GRM7: variants seen among roughly 807,000 people sequenced by gnomAD.
GRM7 encodes glutamate metabotropic receptor 7.
In GRM7, 35 loss-of-function variants were observed where a neutral mutation model predicts 84.5. The observed-to-expected ratio is 0.41, with a 90% CI of 0.32 to 0.55. The LOEUF (loss-of-function observed/expected upper bound fraction) is 0.55, where lower values mean the gene tolerates loss of function less well. Among genes scored for constraint, GRM7 ranks in the 20% least tolerant of loss-of-function variants. The pLI is 0.19. For missense variants in GRM7, 1,003 were observed against 1,194.6 expected (o/e 0.84, Z 2.36); for synonymous variants, 487 against 455.1 (o/e 1.07, Z -0.89).
At chr3:7,605,663 A>G (rs964468822) in intron 8 of GRM7, among the ~76,000 whole-genome samples, 1 of 151,994 alleles carries the variant, frequency 6.6e-6, no homozygotes, top group African/African-American at 2.4e-5. Context: ...ATTGATGTGC[A>G]TCCCCAGTTG....
intron 1 of GRM7, among the ~76,000 whole-genome samples, chr3:6,935,677 AATTATTATTATTATT>A (rs57669228): frequency 1.4e-5 from 2 of 142,452 alleles, no homozygotes; most frequent in African/African-American, 5.3e-5. Flanking sequence ...CTTATTTTTA[AATTATTATTATTATT>A]ATTATTATTA....
At chr3:7,229,760 T>TATATATATA (rs68069165) in intron 2 of GRM7, among the ~76,000 whole-genome samples, 30 of 23,394 alleles carry the variant, frequency 1.3e-3, no homozygotes, top group Middle Eastern at 0.025. Flanking sequence ...TATATATATA[T>TATATATATA]TTTTTTTTTT....
intron 4 of GRM7, among the ~76,000 whole-genome samples, chr3:7,359,337 T>TTC (rs1186449206): frequency 7.4e-6 from 1 of 134,914 alleles, no homozygotes; most frequent in Non-Finnish European, 1.6e-5. Context: ...CCTCCTCTTT[T>TTC]TTTTTTTTTT....
At chr3:7,593,439 A>G (rs559822316) in intron 8 of GRM7, among the ~76,000 whole-genome samples, 2 of 152,330 alleles carry the variant, frequency 1.3e-5, no homozygotes, top group Admixed American at 1.3e-4. Context: ...ATCACATTCT[A>G]TTGAAAAGTG....
Position 7,084,234 on chromosome 3 carries a change from G to A in GRM7, c.520-62218G>A, listed in dbSNP as rs111802495. On this transcript the variant is annotated intron_variant, in intron 1 of 9. Coordinates refer to ENST00000357716, the MANE Select transcript of GRM7 (RefSeq NM_000844.4). ...GAAATAGTAGAGGCAACAGGCAATG[G>A]TGACTTAGTACAGGATGGCATTTCT... 2.4e-3 allele frequency among the ~76,000 whole-genome samples: 372 copies of A among 152,238 alleles called. 2 individuals are homozygous for A. The highest frequency in any genetic ancestry group is 8.6e-3 in the African/African-American group (359 of 41,562).
At chr3:7,562,541 G>C (rs994953333) in intron 7 of GRM7, among the ~76,000 whole-genome samples, 6 of 151,954 alleles carry the variant, frequency 3.9e-5, no homozygotes, top group African/African-American at 1.4e-4. Context: ...TATAAGTTTT[G>C]CAATGACCCT....
chr3:7,276,245 G>GTA (rs1699051882), intron 2 of GRM7, among the ~76,000 whole-genome samples: 1 of 149,250 alleles, frequency 6.7e-6, no homozygotes, highest in African/African-American at 2.5e-5. Context: ...GTGTGTGTGT[G>GTA]TGTGTATATA....
intron 9 of GRM7, among the ~76,000 whole-genome samples, chr3:7,711,640 C>T (rs1379602355): frequency 6.6e-6 from 1 of 152,188 alleles, no homozygotes; most frequent in Non-Finnish European, 1.5e-5. Flanking sequence ...GGCACCAAAG[C>T]TTTGTACTCT....
intron 1 of GRM7, among the ~76,000 whole-genome samples, chr3:6,897,158 G>C (rs1315947699): frequency 6.6e-6 from 1 of 152,162 alleles, no homozygotes; most frequent in East Asian, 1.9e-4. Flanking sequence ...TGGGAAATCA[G>C]CTGGAAATGA....
intron 1 of GRM7, among the ~76,000 whole-genome samples, chr3:7,021,316 C>T (rs1245221509): frequency 2.0e-5 from 3 of 152,102 alleles, no homozygotes; most frequent in South Asian, 4.1e-4. Flanking sequence ...TGATTCTATA[C>T]CCTCCCCTCA....
intron 1 of GRM7, among the ~76,000 whole-genome samples, chr3:6,878,543 A>AAATAATGATAAT (rs1695397611): frequency 1.3e-5 from 2 of 150,290 alleles, no homozygotes; most frequent in Non-Finnish European, 3.0e-5. Context: ...GATTAACATA[A>AAATAATGATAAT]AATAATAATA....
intron 2 of GRM7, among the ~76,000 whole-genome samples, chr3:7,269,146 G>A (rs768690651): frequency 2.0e-5 from 3 of 152,202 alleles, no homozygotes; most frequent in Admixed American, 6.5e-5. Context: ...AGCAAGGCAT[G>A]CTTTTCCATC....
At chr3:7,461,796 A>G (rs1395170076) in intron 7 of GRM7, 74 bp downstream of exon 7, 1 of 1,413,324 alleles carries the variant, frequency 7.1e-7, no homozygotes, top group Non-Finnish European at 1.0e-6. Context: ...AGTTATACAA[A>G]TGTTTCTTGT....
chr3:7,388,428 T>G (rs1198057133), intron 4 of GRM7, among the ~76,000 whole-genome samples: 1 of 152,122 alleles, frequency 6.6e-6, no homozygotes, highest in Non-Finnish European at 1.5e-5. Flanking sequence ...CTTGCCAAAT[T>G]TTGGTATCAG....
chr3:6,988,190 T>TTA (rs1694498655), intron 1 of GRM7, among the ~76,000 whole-genome samples: 2 of 141,564 alleles, frequency 1.4e-5, no homozygotes, highest in African/African-American at 5.2e-5. Flanking sequence ...TTTTTTTTTT[T>TTA]AGTAGAGATG....
intron 4 of GRM7, among the ~76,000 whole-genome samples, chr3:7,335,735 T>C (rs1159991186): frequency 6.6e-6 from 1 of 151,830 alleles, no homozygotes; most frequent in African/African-American, 2.4e-5. Flanking sequence ...TTACAACAAA[T>C]ACCACAGAAA....
intron 1 of GRM7, among the ~76,000 whole-genome samples, chr3:6,986,318 A>G (rs150761912): frequency 2.0e-5 from 3 of 152,358 alleles, no homozygotes; most frequent in African/African-American, 4.8e-5. Flanking sequence ...AGGTACATGC[A>G]TATGTCCAAA....
intron 1 of GRM7, among the ~76,000 whole-genome samples, chr3:7,052,787 T>C (rs917238011): frequency 4.0e-5 from 6 of 150,606 alleles, no homozygotes; most frequent in African/African-American, 1.5e-4. Flanking sequence ...GTTTGGCTGT[T>C]CCCTAGATGA....
chr3:7,461,821 C>T (rs755150827), intron 7 of GRM7, 99 bp downstream of exon 7: 4 of 1,101,960 alleles, frequency 3.6e-6, no homozygotes, highest in Non-Finnish European at 5.4e-6. Context: ...TGTTTGTGTG[C>T]ATATACAAGT....
Sources: allele counts gnomAD v4.1 joint callset (sites outside exome capture counted in the v4.1 genomes callset), GRCh38; gene constraint gnomAD v4.1.1; transcripts MANE v1.5; gene names NCBI Gene and HGNC (gene_info 2026-07-23, HGNC 2026-07-21).